RGS8: variants seen among roughly 807,000 people sequenced by gnomAD.
The protein encoded by RGS8 is regulator of G protein signaling 8.
Under a neutral mutation model 21.7 loss-of-function variants are expected in RGS8, and 8 were observed. That is an observed-to-expected ratio of 0.37 (90% CI 0.22 to 0.66). RGS8 has a LOEUF of 0.66. Among genes scored for constraint, RGS8 ranks in the 30% least tolerant of loss-of-function variants. The pLI is 0.59. For missense variants in RGS8, 157 were observed against 217.9 expected, an observed-to-expected ratio of 0.72 and a Z score of 1.76; for synonymous variants, 80 against 83.6, an observed-to-expected ratio of 0.96 and a Z score of 0.24.
At chr1:182,710,674 G>A in the RGS8 span, among the ~76,000 whole-genome samples, 4 of 152,060 alleles carry the variant, frequency 2.6e-5, no homozygotes, top group Admixed American at 6.6e-5. Context: ...TTGATTTTCC[G>A]CTTTAAATCT....
At chr1:182,665,130 C>T (rs979472054) in intron 5 of RGS8, among the ~76,000 whole-genome samples, 4 of 152,224 alleles carry the variant, frequency 2.6e-5, no homozygotes, top group Non-Finnish European at 5.9e-5. Context: ...CTTCTAATAT[C>T]ACTGCGACAT....
chr1:182,704,870 T>A, the RGS8 span, among the ~76,000 whole-genome samples: 1 of 152,120 alleles, frequency 6.6e-6, no homozygotes, highest in Non-Finnish European at 1.5e-5. Flanking sequence ...AGCACCATCA[T>A]CAGAGGCACT....
At chr1:182,648,092 G>T in intron 6 of RGS8, 45 bp downstream of exon 7, 1 of 1,538,770 alleles carries the variant, frequency 6.5e-7, no homozygotes. Context: ...AGAAATGCAA[G>T]CTAGGAGCCA....
At chr1:182,648,914 A>G (rs1662846896) in intron 5 of RGS8, among the ~76,000 whole-genome samples, 1 of 152,218 alleles carries the variant, frequency 6.6e-6, no homozygotes, top group South Asian at 2.1e-4. Context: ...CAGCCTGGCC[A>G]ACATGGCAAA....
the RGS8 span, among the ~76,000 whole-genome samples, chr1:182,728,309 A>T: frequency 9.8e-5 from 15 of 152,364 alleles, no homozygotes; most frequent in African/African-American, 3.6e-4. Context: ...TGGTCTAAAA[A>T]ATAAAGATAC....
chr1:182,644,707 G>C (rs1406527141), downstream of RGS8: 1 of 152,232 alleles, frequency 6.6e-6, no homozygotes, highest in Non-Finnish European at 1.5e-5. Flanking sequence ...TTCGACAGTA[G>C]AGTTGGCAGC....
upstream of RGS8, among the ~76,000 whole-genome samples, chr1:182,686,620 A>G (rs930183423): frequency 1.8e-4 from 28 of 152,218 alleles, no homozygotes; most frequent in African/African-American, 6.8e-4. Context: ...CTAGGAGGAA[A>G]AGCAGACTTT....
At chr1:182,652,686 G>C (rs548315751) in intron 5 of RGS8, among the ~76,000 whole-genome samples, 8 of 152,284 alleles carry the variant, frequency 5.3e-5, no homozygotes, top group Non-Finnish European at 1.2e-4. Flanking sequence ...GGGGAAGTTT[G>C]AGCCAAGAAA....
At chr1:182,694,807 CA>C in the RGS8 span, among the ~76,000 whole-genome samples, 2,314 of 92,142 alleles carry the variant, frequency 0.025, 38 homozygotes, top group African/African-American at 0.071. Flanking sequence ...GACTCCTACT[CA>C]AAAAAAAAAA....
chr1:182,712,915 C>A, the RGS8 span: 5 of 152,254 alleles, frequency 3.3e-5, no homozygotes, highest in Admixed American at 3.3e-4. Context: ...GGCTGTAGCA[C>A]CCTGAAATAT....
At chr1:182,745,468 C>A in the RGS8 span, among the ~76,000 whole-genome samples, 1 of 152,200 alleles carries the variant, frequency 6.6e-6, no homozygotes, top group Non-Finnish European at 1.5e-5. Context: ...TAAAGCAGAA[C>A]CTTGATCGGG....
intron 5 of RGS8, among the ~76,000 whole-genome samples, chr1:182,649,048 C>T (rs1171938115): frequency 2.0e-5 from 3 of 151,768 alleles, no homozygotes; most frequent in Non-Finnish European, 2.9e-5. Context: ...TGCAGTGAGC[C>T]GAGATCACGC....
intron 5 of RGS8, among the ~76,000 whole-genome samples, chr1:182,655,136 A>T (rs1054417403): frequency 6.6e-6 from 1 of 152,230 alleles, no homozygotes; most frequent in Non-Finnish European, 1.5e-5. Context: ...AGAGAAGCCA[A>T]ATAACTTCCA....
At chr1:182,676,783 C>T (rs186544880), upstream of RGS8, among the ~76,000 whole-genome samples, 13 of 152,326 alleles carry the variant, frequency 8.5e-5, no homozygotes, top group East Asian at 2.5e-3. Flanking sequence ...GCCTTTGGTA[C>T]TAACTCTGCA....
At chr1:182,664,364 G>C (rs911878693) in intron 5 of RGS8, among the ~76,000 whole-genome samples, 1 of 151,962 alleles carries the variant, frequency 6.6e-6, no homozygotes, top group African/African-American at 2.4e-5. Context: ...TCAACGAAAG[G>C]TGTCCTCTTA....
the RGS8 span, among the ~76,000 whole-genome samples, chr1:182,694,521 C>T: frequency 4.6e-5 from 7 of 152,172 alleles, no homozygotes; most frequent in African/African-American, 1.7e-4. Flanking sequence ...AAATGCTTAT[C>T]TGTGGCTGGG....
chr1:182,726,031 T>C, the RGS8 span, among the ~76,000 whole-genome samples: 2 of 152,184 alleles, frequency 1.3e-5, no homozygotes, highest in Non-Finnish European at 2.9e-5. Flanking sequence ...TAGCACTGCT[T>C]AAATTGCCTC....
the RGS8 span, among the ~76,000 whole-genome samples, chr1:182,714,865 A>T: frequency 6.6e-6 from 1 of 152,252 alleles, no homozygotes; most frequent in Non-Finnish European, 1.5e-5. Context: ...CCCATATGAA[A>T]AACTGAGCAT....
At chr1:182,654,656 T>A (rs1414703127) in intron 5 of RGS8, among the ~76,000 whole-genome samples, 1 of 151,982 alleles carries the variant, frequency 6.6e-6, no homozygotes, top group East Asian at 1.9e-4. Flanking sequence ...TGGGGAACTC[T>A]AAGAGTGGGA....
Sources: allele counts gnomAD v4.1 joint callset (sites outside exome capture counted in the v4.1 genomes callset), GRCh38; gene constraint gnomAD v4.1.1; transcripts MANE v1.5; gene names NCBI Gene and HGNC (gene_info 2026-07-23, HGNC 2026-07-21).